Variants in PTCD1 observed in about 807,000 individuals in gnomAD.
The protein encoded by PTCD1 is pentatricopeptide repeat domain 1, also known as pentatricopeptide repeat-containing protein 1, mitochondrial.
A neutral mutation model predicts 53.4 loss-of-function variants in PTCD1; 50 were observed. The ratio of observed to expected loss-of-function variants is 0.94; its 90% CI spans 0.75 to 1.19. The LOEUF (loss-of-function observed/expected upper bound fraction) is 1.19, where lower values mean the gene tolerates loss of function less well. PTCD1 is among the 50% of genes most tolerant of loss of function. PTCD1 has a pLI of 0.00. For missense variants in PTCD1, 918 were observed against 904.8 expected (o/e 1.01, Z -0.19); for synonymous variants, 413 against 394.8 (o/e 1.05, Z -0.55).
intron 3 of PTCD1, among the ~76,000 whole-genome samples, chr7:99,432,590 C>CGCAGGTCCTCCGTATGCGCT (rs1423776406): frequency 8.7e-5 from 13 of 148,862 alleles, no homozygotes; most frequent in Non-Finnish European, 1.6e-4. Context: ...GCCTGCGCAG[C>CGCAGGTCCTCCGTATGCGCT]GCAGGTCCTC....
chr7:99,426,209 C>CT (rs1562841752), intron 5 of PTCD1, among the ~76,000 whole-genome samples: 2 of 111,312 alleles, frequency 1.8e-5, no homozygotes, highest in African/African-American at 9.7e-5. Context: ...TCTCCCTCTC[C>CT]CTCTTTCCAC....
chr7:99,417,525 GCATT>G lies in PTCD1; in HGVS notation c.*2438_*2441del. 6.2e-7 allele frequency: 1 copy of G among 1,611,874 alleles called. No individual in the cohort carries two copies. The highest frequency in any genetic ancestry group is 8.5e-7 in the Non-Finnish European group (1 of 1,178,396). ...TATGAGAACTTGTGCTGCCTGCGGT[GCATT>G]CAGACACGGGACACCAACTTCGGGA... is the stretch of plus-strand genomic sequence containing the variant. On this transcript the variant is annotated 3_prime_UTR_variant, in exon 8 of 8. Coordinates refer to ENST00000292478, the MANE Select transcript of PTCD1 (RefSeq NM_015545.4).
intron 5 of PTCD1, among the ~76,000 whole-genome samples, chr7:99,426,578 A>G (rs1411837256): frequency 6.6e-6 from 1 of 152,208 alleles, no homozygotes; most frequent in Non-Finnish European, 1.5e-5. Context: ...GGCCTCCCAA[A>G]GTGCCAAGAC....
chr7:99,430,157 G>A (rs1796202388), intron 3 of PTCD1, among the ~76,000 whole-genome samples: 2 of 152,218 alleles, frequency 1.3e-5, no homozygotes, highest in Admixed American at 1.3e-4. Flanking sequence ...ACTACCTGAG[G>A]GCTCCCGGGC....
At chr7:99,427,908 A>G (rs1262806516) in intron 5 of PTCD1, among the ~76,000 whole-genome samples, 2 of 151,268 alleles carry the variant, frequency 1.3e-5, no homozygotes, top group African/African-American at 2.5e-5. Flanking sequence ...TGAAGGCAGC[A>G]TGCTCCTTAA....
intron 2 of PTCD1, 68 bp downstream of exon 2, chr7:99,434,722 C>T: frequency 6.2e-7 from 1 of 1,600,572 alleles, no homozygotes; most frequent in Non-Finnish European, 8.5e-7. Context: ...AGTCAGGTGA[C>T]CCCTTGCAAA....
Position 99,434,892 on chromosome 7 carries a change from C to T in PTCD1, c.351G>A (p.Arg117=), listed in dbSNP as rs141699190. ...GCTCCGGTTCCATTTGCTCATCTCT[C>T]CGTTCCCCAAACCGCAGGTTATGGA... ...AQFHNLRFGE[R]RDEQMEPEPK... The change falls in exon 2 of 8, where the codon CGG becomes CGA. Residue 117 remains arginine, a synonymous_variant. Coordinates refer to ENST00000292478, the MANE Select transcript of PTCD1 (RefSeq NM_015545.4). 1.7e-4 allele frequency: 282 copies of T among 1,614,212 alleles called. No homozygotes were observed. The African/African-American group carries it at 3.4e-3, about 20-fold the overall frequency.
chr7:99,433,541 C>A (rs866437211), intron 2 of PTCD1, 123 bp from the exon 3 acceptor site: 122 of 1,572,048 alleles, frequency 7.8e-5, no homozygotes, highest in Middle Eastern at 6.8e-4. Context: ...TGGGTGACTG[C>A]AAACCCCCTG....
intron 1 of PTCD1, 99 bp from the exon 2 acceptor site, chr7:99,435,367 G>A (rs1439769632): frequency 1.3e-5 from 19 of 1,467,720 alleles, no homozygotes; most frequent in Middle Eastern, 2.1e-4. Flanking sequence ...GGCCAGGCGC[G>A]GTGGCTCATG....
Position 99,434,978 on chromosome 7 carries a change from A to G in PTCD1, c.265T>C (p.Phe89Leu). The G allele has an allele frequency of 6.2e-7, 1 of 1,614,152 alleles. No homozygotes were observed. Among genetic ancestry groups the G allele is most frequent in the Non-Finnish European group, 8.5e-7 (1 of 1,180,032 alleles). ...QEEDEEEEESFGTLSDKYSSR... is the reference protein window; with the variant it reads ...QEEDEEEEESLGTLSDKYSSR... ...GAGTATTTGTCAGAGAGGGTCCCAA[A>G]ACTCTCCTCCTCCTCCTCGTCTTCT... Residue 89 changes from phenylalanine (F) to leucine (L), a missense_variant, in exon 2 of 8, where the codon TTT (phenylalanine) becomes CTT (leucine). Physicochemically the swap from Phe to Leu is conservative, Grantham distance 22. Coordinates refer to ENST00000292478, the MANE Select transcript of PTCD1 (RefSeq NM_015545.4).
intron 3 of PTCD1, among the ~76,000 whole-genome samples, chr7:99,431,480 G>A (rs1427957207): frequency 6.6e-6 from 1 of 152,306 alleles, no homozygotes; most frequent in Admixed American, 6.5e-5. Context: ...GGTGGCTCAC[G>A]CCTGTAATTC....
At chr7:99,426,989 C>G (rs578008975) in intron 5 of PTCD1, among the ~76,000 whole-genome samples, 1,926 of 151,930 alleles carry the variant, frequency 0.013, 37 homozygotes, top group African/African-American at 0.044. Flanking sequence ...GCAGCCGCCC[C>G]GTCTGAGAAG....
At chr7:99,438,097 C>T (rs1796561667) in intron 1 of PTCD1, among the ~76,000 whole-genome samples, 1 of 152,068 alleles carries the variant, frequency 6.6e-6, no homozygotes, top group Non-Finnish European at 1.5e-5. Flanking sequence ...CATTTTGTTC[C>T]TACACAAGCT....
rs1584442065 is a variant in PTCD1 at position 99,417,249 on chromosome 7, T to TA, written c.*2717dup. ...TGTATTTTTAGTAGAGACGGGGTTT[T>TA]ACCATGTTGGCCGGGCTGGTCCTGA... On this transcript the variant is annotated 3_prime_UTR_variant, in exon 8 of 8. Transcript: ENST00000292478. The TA allele has an allele frequency of 1.9e-4, 108 of 561,942 alleles. 1 individual carries two copies. The East Asian group carries it at 3.5e-3, about 18-fold the overall frequency. 34.8% of individuals were successfully genotyped at this position (561,942 alleles called of 1,614,324 possible).
At chr7:99,431,066 A>G (rs991504893) in intron 3 of PTCD1, among the ~76,000 whole-genome samples, 11 of 151,880 alleles carry the variant, frequency 7.2e-5, no homozygotes, top group African/African-American at 2.7e-4. Context: ...CAGAGCCAAA[A>G]CTCCCGTCTC....
intron 7 of PTCD1, among the ~76,000 whole-genome samples, chr7:99,420,661 A>G (rs1453492044): frequency 6.6e-6 from 1 of 152,220 alleles, no homozygotes; most frequent in East Asian, 1.9e-4. Context: ...CTACCACACA[A>G]TGACAAAAGG....
chr7:99,433,007 C>T (rs940315971), intron 3 of PTCD1: 1 of 534,478 alleles, frequency 1.9e-6, no homozygotes, highest in Non-Finnish European at 3.4e-6. Context: ...TATGACTGCA[C>T]TCCAGCCTAG....
intron 2 of PTCD1, 52 bp downstream of exon 2, chr7:99,434,738 G>A: frequency 2.5e-6 from 4 of 1,610,840 alleles, no homozygotes; most frequent in Non-Finnish European, 3.4e-6. Flanking sequence ...GCAAAACACT[G>A]AGCCACCAGG....
intron 5 of PTCD1, among the ~76,000 whole-genome samples, chr7:99,427,163 G>T (rs1282637819): frequency 6.9e-6 from 1 of 145,806 alleles, no homozygotes; most frequent in East Asian, 2.1e-4. Context: ...CAGCCGCCCC[G>T]TCCGGGAGGG....
Sources: gnomAD v4.1 joint callset for allele counts (sites outside exome capture counted in the v4.1 genomes callset) on GRCh38, gnomAD v4.1.1 for gene constraint, MANE v1.5 for transcripts, NCBI Gene and HGNC (gene_info 2026-07-23, HGNC 2026-07-21) for gene names.